ARSF: variants seen among roughly 807,000 people sequenced by gnomAD.
ARSF encodes arylsulfatase F.
In ARSF, 33 loss-of-function variants were observed where a neutral mutation model predicts 35.4. The ratio of observed to expected loss-of-function variants is 0.93; its 90% CI spans 0.71 to 1.25. The LOEUF is 1.25. Among genes scored for constraint, ARSF ranks in the 50% most tolerant of loss-of-function variants. ARSF has a pLI of 0.00. For missense variants in ARSF, 501 were observed against 480.2 expected (o/e 1.04, Z -0.40); for synonymous variants, 222 against 193.1 (o/e 1.15, Z -1.24).
chrX:3,083,506 C>A (rs982853078), intron 5 of ARSF, among the ~76,000 whole-genome samples: 12 of 60,931 alleles, frequency 2.0e-4, no homozygotes, highest in African/African-American at 8.5e-4. Context: ...ATCTATCTAT[C>A]TATCTATCTA....
At chrX:3,065,865 G>A (rs1469251289) in intron 1 of ARSF, among the ~76,000 whole-genome samples, 1 of 110,703 alleles carries the variant, frequency 9.0e-6, no homozygotes, top group Non-Finnish European at 1.9e-5. Context: ...TTGGGAGGCC[G>A]AGATGGGAGG....
chrX:3,058,440 G>T (rs2090027766), intron 1 of ARSF: 1 of 228,623 alleles, frequency 4.4e-6, no homozygotes, highest in Non-Finnish European at 8.4e-6. Context: ...CCATAGCCCA[G>T]AACTTCTGGG....
chrX:3,106,952 C>A (rs1340837471), intron 9 of ARSF, among the ~76,000 whole-genome samples: 1 of 111,952 alleles, frequency 8.9e-6, no homozygotes, highest in Non-Finnish European at 1.9e-5. Context: ...ATGCTCCCGT[C>A]CCTGATGTAA....
At chrX:3,080,045 C>T (rs1228658269) in intron 4 of ARSF, among the ~76,000 whole-genome samples, 6 of 105,632 alleles carry the variant, frequency 5.7e-5, no homozygotes, top group Admixed American at 4.1e-4. Flanking sequence ...AAGTAGTCTT[C>T]GCTTGTGGGT....
intron 6 of ARSF, among the ~76,000 whole-genome samples, chrX:3,084,899 A>C (rs1332929766): frequency 8.9e-6 from 1 of 112,115 alleles, no homozygotes; most frequent in Non-Finnish European, 1.9e-5. Context: ...AATTCTTTAC[A>C]AATTATATGA....
In ARSF at chrX:3,107,248, T is replaced by A. The variant is rs73635400; in HGVS notation, c.1266-2880T>A. On this transcript the variant is annotated intron_variant, in intron 9 of 10. Coordinates refer to ENST00000381127, the MANE Select transcript of ARSF (RefSeq NM_001201539.2). Reference sequence around the variant, plus strand: ...TATTCAGATAAGAAAATAATTTTTTTAGATTTATCAAAAAAGTTGCAAGCT... The same window carrying A: ...TATTCAGATAAGAAAATAATTTTTTAAGATTTATCAAAAAAGTTGCAAGCT... Among the ~76,000 whole-genome samples, 353 of 111,792 alleles carry A rather than the reference T, an allele frequency of 3.2e-3. 1 individual carries two copies. Among genetic ancestry groups the A allele is most frequent in the African/African-American group, 0.011 (344 of 30,854 alleles).
Position 3,084,477 on chromosome X carries a change from T to C in ARSF, c.641T>C (p.Val214Ala), listed in dbSNP as rs779905722. 4.1e-6 allele frequency: 5 copies of C among 1,209,250 alleles called. No individual in the cohort carries two copies. Among genetic ancestry groups the C allele is most frequent in the Non-Finnish European group, 5.6e-6 (5 of 895,181 alleles). ...GGGAAGCTGAGCGGCTGGGTCTCTG[T>C]TCCCTGGCTCCTGATCTTCTCCATG... ...TFGKLSGWVS[V>A]PWLLIFSMIL... is the part of the protein sequence containing the mutation. The change falls in exon 6 of 11, where the codon GTT becomes GCT. Residue 214 changes from valine (V) to alanine (A), a missense_variant. Coordinates refer to ENST00000381127, the MANE Select transcript of ARSF (RefSeq NM_001201539.2).
In ARSF at chrX:3,050,956, G is replaced by A. The variant is rs772928816; in HGVS notation, c.-29+9293G>A. Among the ~76,000 whole-genome samples, 30 of 111,523 alleles carry A rather than the reference G, an allele frequency of 2.7e-4. No homozygotes were observed. In the Middle Eastern group the frequency reaches 0.028, roughly 102 times the overall value. On this transcript the variant is annotated intron_variant, in intron 1 of 10. Transcript: ENST00000381127. ...GGGAAACTGCTGACCACCAGTTTTAGGTGTTTTCTATTTACTGGGAGACGG... is the reference window on the plus strand; with the variant it reads ...GGGAAACTGCTGACCACCAGTTTTAAGTGTTTTCTATTTACTGGGAGACGG...
chrX:3,091,518 C>G (rs1469368801), intron 7 of ARSF, among the ~76,000 whole-genome samples: 2 of 112,561 alleles, frequency 1.8e-5, no homozygotes, highest in Non-Finnish European at 3.8e-5. Context: ...ATAATATTTT[C>G]CAGACACAGA....
intron 1 of ARSF, among the ~76,000 whole-genome samples, chrX:3,041,892 A>C (rs1346945279): frequency 1.8e-5 from 2 of 112,349 alleles, no homozygotes; most frequent in Admixed American, 1.9e-4. Context: ...ACTTACATAA[A>C]TCTTTAATAA....
intron 8 of ARSF, among the ~76,000 whole-genome samples, chrX:3,101,684 G>A (rs1271642921): frequency 1.8e-5 from 2 of 111,456 alleles, no homozygotes; most frequent in African/African-American, 6.5e-5. Context: ...AGACAAGCCT[G>A]TCTTGGGTTT....
intron 7 of ARSF, among the ~76,000 whole-genome samples, chrX:3,091,619 A>T (rs2090290833): frequency 9.0e-6 from 1 of 111,318 alleles, no homozygotes; most frequent in South Asian, 3.6e-4. Context: ...TTAAACACAT[A>T]AAAAATATGA....
chrX:3,112,408 A>G lies in ARSF; in HGVS notation c.1625A>G (p.Gln542Arg), dbSNP rs2090452988. Residue 542 changes from glutamine to arginine, a missense_variant, in exon 11 of 11, where the codon CAG becomes CGG. Coordinates refer to ENST00000381127, the MANE Select transcript of ARSF (RefSeq NM_001201539.2). Reference sequence around the variant, plus strand: ...GTGGCCAACGCCCTGAAGGAACACCAGGAAACCATCGTGCCTGTGACCTAC... The same window carrying G: ...GTGGCCAACGCCCTGAAGGAACACCGGGAAACCATCGTGCCTGTGACCTAC... ...KKVANALKEH[Q>R]ETIVPVTYQL... The G allele has an allele frequency of 5.0e-6, 6 of 1,209,595 alleles. No individual in the cohort carries two copies. The highest frequency in any genetic ancestry group is 2.2e-5 in the Admixed American group (1 of 45,626).
At chrX:3,057,217 AAGTTT>A (rs1391427956) in intron 1 of ARSF, among the ~76,000 whole-genome samples, 3 of 112,145 alleles carry the variant, frequency 2.7e-5, no homozygotes, top group African/African-American at 9.7e-5. Flanking sequence ...AAGCAAAAAA[AAGTTT>A]GTTTGTTTTG....
chrX:3,046,166 G>A (rs1456386222), intron 1 of ARSF, among the ~76,000 whole-genome samples: 5 of 111,766 alleles, frequency 4.5e-5, no homozygotes, highest in Admixed American at 1.9e-4. Context: ...GATTACAGGC[G>A]TGAGCCACTG....
At chrX:3,063,067 C>T (rs955214808) in intron 1 of ARSF, among the ~76,000 whole-genome samples, 4 of 111,881 alleles carry the variant, frequency 3.6e-5, no homozygotes, top group Non-Finnish European at 7.5e-5. Flanking sequence ...AAAATACTGG[C>T]AAACCAAATC....
At chrX:3,072,587 G>A (rs2090113343) in intron 3 of ARSF, among the ~76,000 whole-genome samples, 2 of 110,343 alleles carry the variant, frequency 1.8e-5, no homozygotes, top group East Asian at 5.7e-4. Flanking sequence ...TAGAGAAGTC[G>A]CTGAACCTCT....
intron 1 of ARSF, among the ~76,000 whole-genome samples, chrX:3,048,467 C>T (rs1450390009): frequency 1.8e-5 from 2 of 112,145 alleles, no homozygotes; most frequent in African/African-American, 3.2e-5. Flanking sequence ...AGTACAGATT[C>T]ACGGAGCCAG....
At chrX:3,107,351 A>G (rs2090417577) in intron 9 of ARSF, among the ~76,000 whole-genome samples, 1 of 111,764 alleles carries the variant, frequency 8.9e-6, no homozygotes, top group Non-Finnish European at 1.9e-5. Context: ...TCAAGTAAAT[A>G]AACATGTGAC....
Sources: gnomAD v4.1 joint callset for allele counts (sites outside exome capture counted in the v4.1 genomes callset) on GRCh38, gnomAD v4.1.1 for gene constraint, MANE v1.5 for transcripts, NCBI Gene and HGNC (gene_info 2026-07-23, HGNC 2026-07-21) for gene names.